Variants in KCNIP4 observed in about 807,000 individuals in gnomAD.
KCNIP4 encodes potassium voltage-gated channel interacting protein 4.
KCNIP4 carries 12 observed loss-of-function variants against 34.0 expected under a neutral mutation model. The observed-to-expected ratio is 0.35, with a 90% CI of 0.23 to 0.57. The LOEUF (loss-of-function observed/expected upper bound fraction) is 0.57, where lower values mean the gene tolerates loss of function less well. Ranked by LOEUF, KCNIP4 falls within the 20% of genes least tolerant of loss-of-function variation. The pLI is 0.83. For synonymous variants in KCNIP4, 124 were observed against 102.2 expected, an observed-to-expected ratio of 1.21 and a Z score of -1.29; for missense variants, 238 against 311.7, an observed-to-expected ratio of 0.76 and a Z score of 1.78.
intron 1 of KCNIP4, among the ~76,000 whole-genome samples, chr4:21,652,330 C>T (rs149403079): frequency 3.0e-3 from 455 of 152,232 alleles, no homozygotes; most frequent in African/African-American, 0.01. Context: ...GAGTGTCAGG[C>T]TCTTTGGCCC....
intron 3 of KCNIP4, among the ~76,000 whole-genome samples, chr4:20,812,736 A>T (rs887335650): frequency 3.9e-5 from 6 of 152,058 alleles, no homozygotes; most frequent in African/African-American, 1.4e-4. Context: ...TGATATATAC[A>T]TTTCCTCCCT....
intron 1 of KCNIP4, among the ~76,000 whole-genome samples, chr4:21,941,496 T>TAAA (rs36004640): frequency 6.9e-5 from 10 of 144,238 alleles, no homozygotes; most frequent in South Asian, 2.2e-4. Flanking sequence ...AAAGACCTAT[T>TAAA]AAAAAAAAAA....
At chr4:21,659,198 T>C (rs1028199197) in intron 1 of KCNIP4, among the ~76,000 whole-genome samples, 2 of 152,176 alleles carry the variant, frequency 1.3e-5, no homozygotes, top group African/African-American at 4.8e-5. Context: ...TGCCTAAACA[T>C]ATGAGACAAA....
intron 1 of KCNIP4, chr4:21,697,723 T>C: frequency 8.5e-7 from 1 of 1,175,766 alleles, no homozygotes. Context: ...CGGTTCACAC[T>C]TGTAGTAACC....
chr4:20,950,902 G>T (rs187042536), intron 1 of KCNIP4, among the ~76,000 whole-genome samples: 4 of 151,984 alleles, frequency 2.6e-5, no homozygotes, highest in African/African-American at 9.7e-5. Flanking sequence ...TTTAAAATAC[G>T]CTCTTTCACA....
chr4:21,410,204 T>C (rs905968994), intron 1 of KCNIP4, among the ~76,000 whole-genome samples: 5 of 125,644 alleles, frequency 4.0e-5, no homozygotes, highest in African/African-American at 1.7e-4. Flanking sequence ...TACTGGAGAC[T>C]GTAAAAAAAA....
intron 1 of KCNIP4, among the ~76,000 whole-genome samples, chr4:21,574,788 C>T (rs1386615136): frequency 6.6e-6 from 1 of 152,066 alleles, no homozygotes; most frequent in Non-Finnish European, 1.5e-5. Flanking sequence ...ATGTCTTATG[C>T]CTAGTCTCTC....
chr4:21,840,956 A>T (rs572830800), intron 1 of KCNIP4, among the ~76,000 whole-genome samples: 2 of 152,180 alleles, frequency 1.3e-5, no homozygotes, highest in Non-Finnish European at 2.9e-5. Flanking sequence ...AAACTAACTT[A>T]TATCATGGGG....
chr4:21,873,065 AT>A (rs1161838566), intron 1 of KCNIP4, among the ~76,000 whole-genome samples: 2 of 152,252 alleles, frequency 1.3e-5, no homozygotes, highest in African/African-American at 2.4e-5. Context: ...ACAGAAAGGT[AT>A]CCACCATTTT....
At chr4:21,180,144 A>G (rs1373720364) in intron 1 of KCNIP4, among the ~76,000 whole-genome samples, 1 of 152,252 alleles carries the variant, frequency 6.6e-6, no homozygotes, top group Non-Finnish European at 1.5e-5. Flanking sequence ...TGTTTATGAT[A>G]ACACCAGTTT....
At chr4:20,841,921 C>T (rs550075683) in intron 3 of KCNIP4, among the ~76,000 whole-genome samples, 1 of 152,134 alleles carries the variant, frequency 6.6e-6, no homozygotes, top group Non-Finnish European at 1.5e-5. Context: ...TTCTACCTTC[C>T]CATGGCCGTG....
intron 1 of KCNIP4, among the ~76,000 whole-genome samples, chr4:21,184,927 A>T (rs1424532038): frequency 6.6e-6 from 1 of 152,172 alleles, no homozygotes; most frequent in Admixed American, 6.5e-5. Flanking sequence ...TTGAGAAATT[A>T]GGATGAGCAT....
intron 1 of KCNIP4, among the ~76,000 whole-genome samples, chr4:21,590,951 G>A (rs555456371): frequency 5.9e-4 from 90 of 152,026 alleles, no homozygotes; most frequent in South Asian, 2.1e-3. Flanking sequence ...GAACCACTAC[G>A]TCTATGTATT....
At chr4:21,400,311 G>T (rs1330045323) in intron 1 of KCNIP4, among the ~76,000 whole-genome samples, 1 of 151,654 alleles carries the variant, frequency 6.6e-6, no homozygotes, top group Non-Finnish European at 1.5e-5. Context: ...TAACTGTAAT[G>T]CCTGATGGAT....
chr4:21,691,644 TG>T (rs1711646059), intron 1 of KCNIP4, among the ~76,000 whole-genome samples: 3 of 151,534 alleles, frequency 2.0e-5, no homozygotes, highest in Non-Finnish European at 4.4e-5. Context: ...CTGAAGTTTC[TG>T]GTAAGAAAGC....
At chr4:21,747,791 G>A (rs60628330) in intron 1 of KCNIP4, among the ~76,000 whole-genome samples, 13,970 of 152,092 alleles carry the variant, frequency 0.092, 678 homozygotes, top group Middle Eastern at 0.18. Flanking sequence ...GAATGTAACC[G>A]TATTTGGAAA....
chr4:20,730,299 C>CACATAGATG (rs1418064826), intron 8 of KCNIP4, among the ~76,000 whole-genome samples, 170 bp from the exon 9 acceptor site: 1 of 152,182 alleles, frequency 6.6e-6, no homozygotes, highest in East Asian at 1.9e-4. Context: ...ATCCATTTTC[C>CACATAGATG]ACATAGATGA....
At chr4:21,379,767 T>C (rs1407442082) in intron 1 of KCNIP4, among the ~76,000 whole-genome samples, 2 of 152,192 alleles carry the variant, frequency 1.3e-5, no homozygotes, top group African/African-American at 4.8e-5. Flanking sequence ...CTATATCTCT[T>C]TCAGAAAGAT....
intron 1 of KCNIP4, among the ~76,000 whole-genome samples, chr4:21,318,458 T>G (rs1000168063): frequency 6.6e-6 from 1 of 152,204 alleles, no homozygotes; most frequent in Admixed American, 6.5e-5. Context: ...TATCATAGAT[T>G]CACTATTCAC....
Sources: allele counts gnomAD v4.1 joint callset (sites outside exome capture counted in the v4.1 genomes callset), GRCh38; gene constraint gnomAD v4.1.1; transcripts MANE v1.5; gene names NCBI Gene and HGNC (gene_info 2026-07-23, HGNC 2026-07-21).